The following SETD1B variants were observed in gnomAD, a reference collection of about 807,000 sequenced individuals.
The protein encoded by SETD1B is histone-lysine N-methyltransferase SETD1B.
In SETD1B, 7 loss-of-function variants were observed where a neutral mutation model predicts 148.0. The observed-to-expected ratio is 0.05, with a 90% confidence interval of 0.03 to 0.09. The LOEUF (loss-of-function observed/expected upper bound fraction) is 0.09, where lower values mean the gene tolerates loss of function less well. SETD1B is among the 10% of genes least tolerant of loss of function. The pLI is 1.00. For missense variants in SETD1B, 2,155 were observed against 2,729.9 expected (o/e 0.79, Z 4.69); for synonymous variants, 1,361 against 1,186.5 (o/e 1.15, Z -3.02).
At position 121,806,091 on chromosome 12, in the gene SETD1B, A is replaced by G. The variant is rs1566546175; in HGVS notation, c.530A>G (p.Glu177Gly). 5 of 1,551,526 alleles carry G rather than the reference A, an allele frequency of 3.2e-6. No homozygotes were observed. Among genetic ancestry groups the G allele is most frequent in the Non-Finnish European group, 4.4e-6 (5 of 1,146,922 alleles). ...TSVMGNIIHV[E>G]LDTKGETRMR... ...GTCATGGGCAACATTATCCACGTGG[A>G]GCTGGACACCAAAGGTGAGCCTGGC... The change falls in exon 4 of 17, where the codon GAG (glutamate) becomes GGG (glycine). Residue 177 changes from glutamate (E) to glycine (G), a missense_variant. By Grantham distance (98) the Glu-to-Gly change is moderately conservative. This residue lies in a region of SETD1B where 124 missense variants were observed against 282.9 expected (regional missense o/e 0.44). Coordinates refer to ENST00000604567, the MANE Select transcript of SETD1B (RefSeq NM_001353345.2).
rs1592988665 is a variant in SETD1B, at chr12:121,823,216, G to A, written c.4637G>A (p.Gly1546Glu). 3.2e-6 allele frequency: 5 copies of A among 1,549,428 alleles called. No individual in the cohort carries two copies. The highest frequency in any genetic ancestry group is 4.4e-6 in the Non-Finnish European group (5 of 1,146,830). ...LVRPPAGAAL[G>E]RELLLLPGQP... ...CGACCACCAGCAGGGGCCGCCCTTG[G>A]AAGGGAACTCCTGCTCCTGCCGGGC... The change falls in exon 12 of 17, where the codon GGA becomes GAA. Residue 1546 changes from glycine to glutamate, a missense_variant. Physicochemically the swap from Gly to Glu is moderately conservative, Grantham distance 98. Transcript: ENST00000604567.
the SETD1B span, among the ~76,000 whole-genome samples, chr12:121,790,551 G>C: frequency 6.6e-6 from 1 of 152,214 alleles, no homozygotes; most frequent in South Asian, 2.1e-4. Flanking sequence ...CAAGCACTGG[G>C]ACCTGGGCTC....
At chr12:121,819,296 C>T in intron 10 of SETD1B, 108 bp from the exon 11 acceptor site, 2 of 1,508,192 alleles carry the variant, frequency 1.3e-6, no homozygotes, top group Non-Finnish European at 1.8e-6. Context: ...TATCTGAGGG[C>T]CGTGTTCAGC....
At position 121,819,395 on chromosome 12, in the gene SETD1B, C is replaced by G. The variant is rs1376665201; in HGVS notation, c.3419-9C>G. ...CTCAGGCAGCCCCTCGTCTGTGTCC[C>G]CCATCCAGAGGAGACAGTGAGCATT... On this transcript the variant is annotated splice_polypyrimidine_tract_variant and intron_variant, in intron 10 of 16. Coordinates refer to ENST00000604567, the MANE Select transcript of SETD1B (RefSeq NM_001353345.2). 1 of 1,551,608 alleles carries G rather than the reference C, an allele frequency of 6.4e-7. No individual in the cohort carries two copies. The highest frequency in any genetic ancestry group is 2.0e-5 in the Admixed American group (1 of 50,982).
chr12:121,820,048 C>T (rs1310286622), intron 11 of SETD1B, among the ~76,000 whole-genome samples, 153 bp downstream of exon 11: 5 of 152,300 alleles, frequency 3.3e-5, no homozygotes, highest in East Asian at 1.9e-4. Flanking sequence ...CTCCCTCGAG[C>T]GAGATGAGGT....
chr12:121,815,446 C>G (rs1876246312), intron 7 of SETD1B, among the ~76,000 whole-genome samples: 1 of 151,074 alleles, frequency 6.6e-6, no homozygotes, highest in Non-Finnish European at 1.5e-5. Flanking sequence ...TCCCTTTGAA[C>G]TTGACTCCCC....
the SETD1B span, chr12:121,797,512 G>T: frequency 1.8e-5 from 8 of 456,606 alleles, 1 homozygote; most frequent in South Asian, 1.2e-4. Flanking sequence ...CAGAGAGAGA[G>T]GGGTACAGTC....
chr12:121,804,667 T>C lies in SETD1B; in HGVS notation c.-14-57T>C. ...CCGATTGGATTCTTTCGCGTGTGTG[T>C]AGAAGCGGCCGCCGCCGCCGCCGCG... On this transcript the variant is annotated intron_variant, in intron 1 of 16. Coordinates refer to ENST00000604567, the MANE Select transcript of SETD1B (RefSeq NM_001353345.2). The surrounding 1 kb of genome is among the most constrained non-coding windows in gnomAD (Gnocchi z 4.6). 1.4e-6 allele frequency: 2 copies of C among 1,477,402 alleles called. No homozygotes were observed. Among genetic ancestry groups the C allele is most frequent in the Non-Finnish European group, 1.8e-6 (2 of 1,091,700 alleles). 91.5% of individuals were successfully genotyped at this position (1,477,402 alleles called of 1,614,324 possible).
Position 121,817,765 on chromosome 12 carries a change from G to T in SETD1B, c.3313-34G>T. 1 of 1,542,074 alleles carries T rather than the reference G, an allele frequency of 6.5e-7. No individual in the cohort carries two copies. The highest frequency in any genetic ancestry group is 1.2e-5 in the South Asian group (1 of 83,004). On this transcript the variant is annotated intron_variant, in intron 9 of 16. Coordinates refer to ENST00000604567, the MANE Select transcript of SETD1B (RefSeq NM_001353345.2). This position sits in a 1 kb window ranked among gnomAD's most constrained non-coding sequence, Gnocchi z 8.1. ...CCAGGCGACGAGGGCCAGACCCTTCGGCTCACCTGTCCCCACTCTTCCTTC... is the reference window on the plus strand; with the variant it reads ...CCAGGCGACGAGGGCCAGACCCTTCTGCTCACCTGTCCCCACTCTTCCTTC...
chr12:121,809,659 C>T lies in SETD1B; in HGVS notation c.714C>T (p.Ser238=), dbSNP rs542295193. The change falls in exon 6 of 17, where the codon TCC becomes TCT. Residue 238 remains serine (S), a synonymous_variant. Coordinates refer to ENST00000604567, the MANE Select transcript of SETD1B (RefSeq NM_001353345.2). ...KDGGLSAGCG[S]GSSSVTPNSG... is the part of the protein sequence containing the mutation. ...GAGGCCTGTCTGCAGGCTGTGGCTCCGGCTCCTCCTCTGTCACCCCCAATA... is the reference window on the plus strand; with the variant it reads ...GAGGCCTGTCTGCAGGCTGTGGCTCTGGCTCCTCCTCTGTCACCCCCAATA... 1.0e-5 allele frequency: 16 copies of T among 1,551,550 alleles called. No homozygotes were observed. Among genetic ancestry groups the T allele is most frequent in the South Asian group, 3.6e-5 (3 of 84,054 alleles).
At chr12:121,818,571 T>A (rs1014306245) in intron 10 of SETD1B, among the ~76,000 whole-genome samples, 17 of 141,178 alleles carry the variant, frequency 1.2e-4, no homozygotes, top group African/African-American at 3.6e-4. Flanking sequence ...TCAAAAAAAA[T>A]AATAAATAAA....
At chr12:121,819,339 G>A (rs1876452170) in intron 10 of SETD1B, 65 bp from the exon 11 acceptor site, 2 of 1,540,946 alleles carry the variant, frequency 1.3e-6, no homozygotes, top group African/African-American at 1.4e-5. Flanking sequence ...CATTGGTGAG[G>A]GGTCTGGTGG....
At chr12:121,811,776 A>G (rs1228261989) in intron 6 of SETD1B, among the ~76,000 whole-genome samples, 1 of 151,990 alleles carries the variant, frequency 6.6e-6, no homozygotes, top group Non-Finnish European at 1.5e-5. Flanking sequence ...TGGCTGCATC[A>G]GGGAGGAACG....
intron 16 of SETD1B, among the ~76,000 whole-genome samples, chr12:121,828,993 C>T (rs375660271): frequency 1.5e-4 from 23 of 150,140 alleles, no homozygotes; most frequent in African/African-American, 3.4e-4. Flanking sequence ...CCAGGGGAAG[C>T]GGTGCTGGGG....
chr12:121,818,869 G>C (rs1476339687), intron 10 of SETD1B, among the ~76,000 whole-genome samples: 1 of 141,102 alleles, frequency 7.1e-6, no homozygotes, highest in Non-Finnish European at 1.5e-5. Context: ...CACCCTGGGC[G>C]ACAGAGCGAG....
rs2137598335 is a variant in SETD1B at position 121,832,098 on chromosome 12, A to G, written c.*1859A>G. 6.6e-6 allele frequency: 1 copy of G among 152,302 alleles called. No homozygotes were observed. Among genetic ancestry groups the G allele is most frequent in the South Asian group, 2.1e-4 (1 of 4,822 alleles). 9.4% of individuals were successfully genotyped at this position (152,302 alleles called of 1,614,324 possible). On this transcript the variant is annotated 3_prime_UTR_variant, in exon 17 of 17. Coordinates refer to ENST00000604567, the MANE Select transcript of SETD1B (RefSeq NM_001353345.2). ...TCACATGAGGAAATGCGTAGCTTGTAGAGACGGCTGATTCAAGTTACATGT... is the reference window on the plus strand; with the variant it reads ...TCACATGAGGAAATGCGTAGCTTGTGGAGACGGCTGATTCAAGTTACATGT...
rs1875995855 is a variant in SETD1B, at chr12:121,810,772, G to GACAGCTGAGGTGGCC, written c.1828_1842dup (p.Thr610_Ala614dup). ...CGGACCCTGCTGGGCTTCTGAGCCA[G>GACAGCTGAGGTGGCC]ACAGCTGAGGTGGCCTTGGACCTGG... On this transcript the variant is annotated inframe_insertion, in exon 6 of 17. Coordinates refer to ENST00000604567, the MANE Select transcript of SETD1B (RefSeq NM_001353345.2). This position sits in a 1 kb window ranked among gnomAD's most constrained non-coding sequence, Gnocchi z 7.6. The GACAGCTGAGGTGGCC allele has an allele frequency of 1.3e-6, 2 of 1,545,944 alleles. No individual in the cohort carries two copies. The highest frequency in any genetic ancestry group is 1.7e-6 in the Non-Finnish European group (2 of 1,143,220).
In SETD1B at chr12:121,819,670, G is replaced by T; in HGVS notation, c.3685G>T (p.Gly1229Cys). ...GGGGGCACCTGCAGTGGACTCGTTGGGCATGGAAGAGGAGGTGGACATCGA... is the reference window on the plus strand; with the variant it reads ...GGGGGCACCTGCAGTGGACTCGTTGTGCATGGAAGAGGAGGTGGACATCGA... The part of the protein sequence containing the change: ...APGAPAVDSL[G>C]MEEEVDIETE... The change falls in exon 11 of 17, where the codon GGC (glycine) becomes TGC (cysteine). Residue 1229 changes from glycine to cysteine, a missense_variant. Gly to Cys is a radical substitution (Grantham distance 159). Around this residue, in one of 11 missense-constraint regions of SETD1B, gnomAD observed 862 missense variants for 873.8 expected, o/e 0.99. Coordinates refer to ENST00000604567, the MANE Select transcript of SETD1B (RefSeq NM_001353345.2). The T allele has an allele frequency of 6.4e-7, 1 of 1,551,384 alleles. No individual in the cohort carries two copies. The highest frequency in any genetic ancestry group is 8.7e-7 in the Non-Finnish European group (1 of 1,147,012).
the SETD1B span, among the ~76,000 whole-genome samples, chr12:121,794,978 G>A: frequency 6.6e-6 from 1 of 152,210 alleles, no homozygotes; most frequent in South Asian, 2.1e-4. Flanking sequence ...CCACCCCGAA[G>A]ACTCCCAGTT....
Sources: allele counts gnomAD v4.1 joint callset (sites outside exome capture counted in the v4.1 genomes callset), GRCh38; gene constraint gnomAD v4.1.1; regional missense constraint gnomAD v4.1.1; non-coding constraint Gnocchi (gnomAD v3.1); transcripts MANE v1.5; gene names NCBI Gene and HGNC (gene_info 2026-07-23, HGNC 2026-07-21).